Variants in GGA2 observed in about 807,000 individuals in gnomAD.
GGA2 encodes ADP-ribosylation factor-binding protein GGA2.
In GGA2, 48 loss-of-function variants were observed where a neutral mutation model predicts 79.5. That is an observed-to-expected ratio of 0.60 (90% confidence interval 0.48 to 0.77). GGA2 has a LOEUF of 0.77. Ranked by LOEUF, GGA2 falls within the 30% of genes least tolerant of loss-of-function variation. The probability of loss-of-function intolerance (pLI) is 0.00; values close to 1 mark genes in which losing one functional copy is unlikely to be tolerated. For missense variants in GGA2, 770 were observed against 774.0 expected (o/e 0.99, Z 0.06); for synonymous variants, 317 against 302.0 (o/e 1.05, Z -0.51).
intron 2 of GGA2, among the ~76,000 whole-genome samples, chr16:23,516,231 C>T (rs962794679): frequency 2.6e-5 from 4 of 152,020 alleles, no homozygotes; most frequent in Non-Finnish European, 5.9e-5. Flanking sequence ...AGACTGGTCT[C>T]GAACTCCTGG....
At chr16:23,477,796 C>G (rs1027304212) in intron 13 of GGA2, among the ~76,000 whole-genome samples, 14 of 152,260 alleles carry the variant, frequency 9.2e-5, no homozygotes, top group Admixed American at 3.9e-4. Context: ...TCCGCCATGA[C>G]TGGGAGGCCT....
In GGA2 at chr16:23,464,349, C is replaced by G. The variant is rs547207591; in HGVS notation, c.*3241G>C. The stretch of plus-strand genomic sequence containing the variant: ...AGGGCTTGAAAGGACTTTATTGTGG[C>G]TGTGGTGAAGCAGGCCCTGGTCTTG... On this transcript the variant is annotated 3_prime_UTR_variant, in exon 17 of 17. Transcript: ENST00000309859. The G allele has an allele frequency of 6.6e-6, 1 of 152,244 alleles. No homozygotes were observed. The highest frequency in any genetic ancestry group is 2.1e-4 in the South Asian group (1 of 4,830). 9.4% of individuals were successfully genotyped at this position (152,244 alleles called of 1,614,324 possible). A position where few individuals can be genotyped will look rare whatever the true frequency, so the allele number is the denominator to read the frequency against.
In GGA2 at chr16:23,467,534, G is replaced by T. The variant is rs1421912895; in HGVS notation, c.*56C>A. On this transcript the variant is annotated 3_prime_UTR_variant, in exon 17 of 17. Transcript: ENST00000309859. The stretch of plus-strand genomic sequence containing the variant: ...GAAACACCGTGATTAGTCCTGACTA[G>T]ACAGCAAAAGTAACGCCAGCCTAAG... 1.2e-6 allele frequency: 1 copy of T among 869,418 alleles called. No individual in the cohort carries two copies. The highest frequency in any genetic ancestry group is 2.5e-5 in the East Asian group (1 of 40,166). 53.9% of individuals were successfully genotyped at this position (869,418 alleles called of 1,614,324 possible). A position where few individuals can be genotyped will look rare whatever the true frequency, so the allele number is the denominator to read the frequency against.
In GGA2 at chr16:23,469,803, C is replaced by G. The variant is rs779316362; in HGVS notation, c.1620+193G>C. ...GATTCTTAAGGCATTGTTTAAGAAC[C>G]TATTTGGATTCACTCATATCTGAAG... is the stretch of plus-strand genomic sequence containing the variant. On this transcript the variant is annotated intron_variant, in intron 15 of 16. Transcript: ENST00000309859. 1.7e-4 allele frequency among the ~76,000 whole-genome samples: 26 copies of G among 152,210 alleles called. 1 individual carries two copies. Among genetic ancestry groups the G allele is most frequent in the South Asian group, 1.7e-3 (8 of 4,830 alleles).
intron 15 of GGA2, 28 bp downstream of exon 15, chr16:23,469,968 A>G: frequency 1.4e-6 from 2 of 1,449,614 alleles, no homozygotes; most frequent in Non-Finnish European, 1.8e-6. Flanking sequence ...GACAGCCATT[A>G]CTGAGAAATC....
At chr16:23,490,150 G>T (rs1339809745) in intron 5 of GGA2, among the ~76,000 whole-genome samples, 1 of 152,202 alleles carries the variant, frequency 6.6e-6, no homozygotes, top group Non-Finnish European at 1.5e-5. Flanking sequence ...ACCTACAGCT[G>T]AGAGAACAGA....
chr16:23,492,745 C>G (rs976948161), intron 4 of GGA2, among the ~76,000 whole-genome samples: 1 of 152,144 alleles, frequency 6.6e-6, no homozygotes, highest in Admixed American at 6.5e-5. Context: ...TCATAGGAAC[C>G]CCTGAATCTG....
chr16:23,479,485 C>T (rs1457671136), intron 11 of GGA2, among the ~76,000 whole-genome samples: 1 of 148,980 alleles, frequency 6.7e-6, no homozygotes. Flanking sequence ...GCAGCAGACA[C>T]GTGTTCTCCG....
chr16:23,475,857 G>A (rs1567359736), intron 13 of GGA2, among the ~76,000 whole-genome samples: 1 of 151,226 alleles, frequency 6.6e-6, no homozygotes, highest in Non-Finnish European at 1.5e-5. Context: ...TAGAGCCTGG[G>A]AGGCGGAGGT....
rs1202114413 is a variant in GGA2, at chr16:23,464,678, T to A, written c.*2912A>T. 1 of 152,296 alleles carries A rather than the reference T, an allele frequency of 6.6e-6. No homozygotes were observed. Among genetic ancestry groups the A allele is most frequent in the East Asian group, 1.9e-4 (1 of 5,192 alleles). The allele number at this position is 152,296 out of a possible 1,614,324, so 9.4% of individuals were successfully genotyped here. ...TCTGCGGATACAGACGAAGCAGGAA[T>A]CAGGGACCCAATAAGTCTCAGGTGC... On this transcript the variant is annotated 3_prime_UTR_variant, in exon 17 of 17. Coordinates refer to ENST00000309859, the MANE Select transcript of GGA2 (RefSeq NM_015044.4).
At chr16:23,473,028 C>A (rs1964531943) in intron 14 of GGA2, among the ~76,000 whole-genome samples, 2 of 64,008 alleles carry the variant, frequency 3.1e-5, no homozygotes, top group Admixed American at 2.3e-4. Flanking sequence ...GAGACTCTGT[C>A]TCCAAAAAAA....
intron 1 of GGA2, among the ~76,000 whole-genome samples, chr16:23,520,144 T>C (rs1047863430): frequency 1.3e-5 from 2 of 151,892 alleles, no homozygotes; most frequent in Non-Finnish European, 2.9e-5. Context: ...TCCCAGCTAC[T>C]TGGGAGGCTG....
chr16:23,493,232 C>A (rs534911366), intron 4 of GGA2, 128 bp downstream of exon 4: 3 of 658,796 alleles, frequency 4.6e-6, no homozygotes, highest in Admixed American at 2.2e-5. Context: ...GAGAGGAGAG[C>A]GCTTCTTTCA....
intron 1 of GGA2, among the ~76,000 whole-genome samples, chr16:23,505,751 G>A (rs939997162): frequency 6.6e-6 from 1 of 151,860 alleles, no homozygotes; most frequent in African/African-American, 2.4e-5. Flanking sequence ...CTCCAAGGTG[G>A]ACATAAAACC....
At chr16:23,507,248 C>T (rs1964983419) in intron 1 of GGA2, among the ~76,000 whole-genome samples, 1 of 152,114 alleles carries the variant, frequency 6.6e-6, no homozygotes. Flanking sequence ...CTAGCCGTTC[C>T]TGAAAAACAG....
chr16:23,469,179 A>C, intron 15 of GGA2, 183 bp from the exon 16 acceptor site: 1 of 520,252 alleles, frequency 1.9e-6, no homozygotes, highest in Non-Finnish European at 3.5e-6. Flanking sequence ...TGATAAAAGG[A>C]TCTAAGAGGC....
At position 23,464,553 on chromosome 16, in the gene GGA2, C is replaced by T. The variant is rs933969058; in HGVS notation, c.*3037G>A. On this transcript the variant is annotated 3_prime_UTR_variant, in exon 17 of 17. Coordinates refer to ENST00000309859, the MANE Select transcript of GGA2 (RefSeq NM_015044.4). ...TCAGAATTGGGACAGAGGCATTGTC[C>T]CAAAAAAAAAAAAGCCCAAATCAGA... is the stretch of plus-strand genomic sequence containing the variant. 1 of 149,352 alleles carries T rather than the reference C, an allele frequency of 6.7e-6. No homozygotes were observed. The highest frequency in any genetic ancestry group is 2.5e-5 in the African/African-American group (1 of 40,572). 9.3% of individuals were successfully genotyped at this position (149,352 alleles called of 1,614,324 possible). A position where few individuals can be genotyped will look rare whatever the true frequency, so the allele number is the denominator to read the frequency against.
chr16:23,499,005 A>C (rs2040574), intron 1 of GGA2, among the ~76,000 whole-genome samples: 1 of 151,990 alleles, frequency 6.6e-6, no homozygotes. Flanking sequence ...CAGAGGCAGG[A>C]AGAGAACAGG....
chr16:23,499,295 C>T (rs1394799053), intron 1 of GGA2, among the ~76,000 whole-genome samples: 1 of 152,078 alleles, frequency 6.6e-6, no homozygotes, highest in African/African-American at 2.4e-5. Context: ...CAGGTGCCCA[C>T]CAACATGACT....
Sources: allele counts gnomAD v4.1 joint callset (sites outside exome capture counted in the v4.1 genomes callset), GRCh38; gene constraint gnomAD v4.1.1; transcripts MANE v1.5; gene names NCBI Gene and HGNC (gene_info 2026-07-23, HGNC 2026-07-21).